SH2D4A: variants seen among roughly 807,000 people sequenced by gnomAD.
SH2D4A encodes the protein SH2 domain-containing protein 4A.
Under a neutral mutation model 64.7 loss-of-function variants are expected in SH2D4A, and 70 were observed. That is an observed-to-expected ratio of 1.08 (90% CI 0.89 to 1.32). SH2D4A has a LOEUF of 1.32. Ranked by LOEUF, SH2D4A falls within the 40% of genes most tolerant of loss-of-function variation. The pLI, the probability that SH2D4A is intolerant of heterozygous loss-of-function variation, is 0.00. For synonymous variants in SH2D4A, 268 were observed against 200.7 expected, an observed-to-expected ratio of 1.34 and a Z score of -2.83; for missense variants, 706 against 540.1, an observed-to-expected ratio of 1.31 and a Z score of -3.04.
chr8:19,323,758 G>A (rs1725588394), intron 2 of SH2D4A, among the ~76,000 whole-genome samples: 1 of 152,178 alleles, frequency 6.6e-6, no homozygotes, highest in Admixed American at 6.5e-5. Context: ...TGCTATAATG[G>A]TAGCACCAGC....
chr8:19,324,101 C>T (rs975374327), intron 2 of SH2D4A, among the ~76,000 whole-genome samples: 4 of 152,236 alleles, frequency 2.6e-5, no homozygotes, highest in African/African-American at 9.6e-5. Context: ...AGGCGCCTTG[C>T]GCACATCTAA....
intron 9 of SH2D4A, 100 bp downstream of exon 9, chr8:19,393,641 TG>T: frequency 8.8e-7 from 1 of 1,138,200 alleles, no homozygotes; most frequent in South Asian, 1.4e-5. Flanking sequence ...AGACAAGTAC[TG>T]GGGAGGGGAC....
chr8:19,354,744 C>T (rs1051633214), intron 4 of SH2D4A, among the ~76,000 whole-genome samples: 2 of 152,166 alleles, frequency 1.3e-5, no homozygotes, highest in Non-Finnish European at 2.9e-5. Flanking sequence ...AAGCACTGTA[C>T]CCATACAGAT....
chr8:19,351,520 G>A (rs1002698554), intron 4 of SH2D4A, among the ~76,000 whole-genome samples: 5 of 151,906 alleles, frequency 3.3e-5, no homozygotes, highest in Admixed American at 6.6e-5. Flanking sequence ...GGAGAATGGC[G>A]TGAACCCAGG....
intron 1 of SH2D4A, among the ~76,000 whole-genome samples, chr8:19,316,331 A>G (rs2052087892): frequency 6.6e-6 from 1 of 152,240 alleles, no homozygotes; most frequent in Non-Finnish European, 1.5e-5. Context: ...AAAAATGGAA[A>G]TAATGTGAGA....
At chr8:19,373,066 TGTTAATTGGAA>T (rs1489905668) in intron 7 of SH2D4A, among the ~76,000 whole-genome samples, 1 of 152,162 alleles carries the variant, frequency 6.6e-6, no homozygotes, top group Non-Finnish European at 1.5e-5. Flanking sequence ...TTTTCTCAGA[TGTTAATTGGAA>T]GTTAATGGAG....
At chr8:19,390,197 A>G (rs1186007784) in intron 8 of SH2D4A, among the ~76,000 whole-genome samples, 1 of 152,126 alleles carries the variant, frequency 6.6e-6, no homozygotes, top group African/African-American at 2.4e-5. Context: ...CCTGGCCAAC[A>G]TGGTAAAACC....
intron 7 of SH2D4A, among the ~76,000 whole-genome samples, chr8:19,373,026 G>T (rs2053130161): frequency 3.3e-5 from 5 of 152,026 alleles, no homozygotes; most frequent in Admixed American, 3.3e-4. Context: ...ATGTGCTGGG[G>T]TAAAAGTGTA....
intron 2 of SH2D4A, among the ~76,000 whole-genome samples, chr8:19,332,460 C>A (rs1016659239): frequency 1.3e-5 from 2 of 152,058 alleles, no homozygotes; most frequent in African/African-American, 4.8e-5. Flanking sequence ...ATGGTGAAAT[C>A]CTGTCTCTAC....
At chr8:19,350,801 T>C (rs1211479765) in intron 4 of SH2D4A, among the ~76,000 whole-genome samples, 1 of 152,192 alleles carries the variant, frequency 6.6e-6, no homozygotes, top group Non-Finnish European at 1.5e-5. Flanking sequence ...TAGTGAAACA[T>C]GTGCCATAAA....
intron 4 of SH2D4A, among the ~76,000 whole-genome samples, chr8:19,342,973 C>G (rs1039834557): frequency 3.9e-5 from 6 of 152,156 alleles, no homozygotes; most frequent in African/African-American, 9.7e-5. Flanking sequence ...GCTCACAGCT[C>G]TAGCACGCTG....
intron 4 of SH2D4A, among the ~76,000 whole-genome samples, chr8:19,355,825 T>TA (rs1305136414): frequency 6.6e-6 from 1 of 152,242 alleles, no homozygotes; most frequent in African/African-American, 2.4e-5. Flanking sequence ...TGATTAATTA[T>TA]AAAACCTCAG....
At chr8:19,392,299 A>C (rs1482615206) in intron 8 of SH2D4A, among the ~76,000 whole-genome samples, 7 of 152,202 alleles carry the variant, frequency 4.6e-5, no homozygotes, top group African/African-American at 1.4e-4. Flanking sequence ...GGTACTTTAT[A>C]GAACTGAGTA....
At chr8:19,334,568 A>G (rs2052414371) in intron 3 of SH2D4A, 118 bp from the exon 4 acceptor site, 2 of 1,095,706 alleles carry the variant, frequency 1.8e-6, no homozygotes, top group South Asian at 1.7e-5. Context: ...TGTTAGAAGC[A>G]CTCAGTAAGT....
At chr8:19,373,754 T>G (rs1029034353) in intron 8 of SH2D4A, 94 bp downstream of exon 8, 22 of 1,454,704 alleles carry the variant, frequency 1.5e-5, no homozygotes, top group Middle Eastern at 3.7e-4. Flanking sequence ...TTCCATTTAT[T>G]GGTGCTGCCC....
chr8:19,365,225 C>T (rs192194798), intron 7 of SH2D4A, among the ~76,000 whole-genome samples: 9 of 152,046 alleles, frequency 5.9e-5, no homozygotes, highest in African/African-American at 2.2e-4. Flanking sequence ...AACACAAAGG[C>T]GGATGTTTTT....
chr8:19,318,418 C>G (rs2052127026), intron 1 of SH2D4A, among the ~76,000 whole-genome samples: 3 of 151,998 alleles, frequency 2.0e-5, no homozygotes, highest in African/African-American at 4.8e-5. Context: ...TATTTTTAAG[C>G]CAATATTTTA....
At chr8:19,324,374 G>T (rs2052240830) in intron 2 of SH2D4A, among the ~76,000 whole-genome samples, 1 of 152,174 alleles carries the variant, frequency 6.6e-6, no homozygotes, top group South Asian at 2.1e-4. Context: ...TTCCCAAGGG[G>T]GCAGATCCTT....
intron 7 of SH2D4A, 116 bp from the exon 8 acceptor site, chr8:19,373,414 A>G (rs1453874141): frequency 1.0e-5 from 6 of 595,112 alleles, no homozygotes; most frequent in African/African-American, 2.1e-5. Flanking sequence ...ACATGCATGT[A>G]TATATATGCA....
Sources: allele counts gnomAD v4.1 joint callset (sites outside exome capture counted in the v4.1 genomes callset), GRCh38; gene constraint gnomAD v4.1.1; transcripts MANE v1.5; gene names NCBI Gene and HGNC (gene_info 2026-07-23, HGNC 2026-07-21).